SSH2: variants seen among roughly 807,000 people sequenced by gnomAD.
SSH2 encodes protein phosphatase Slingshot homolog 2.
SSH2 carries 37 observed loss-of-function variants against 135.2 expected under a neutral mutation model. The ratio of observed to expected loss-of-function variants is 0.27; its 90% CI spans 0.21 to 0.36. The LOEUF (loss-of-function observed/expected upper bound fraction) is 0.36, where lower values mean the gene tolerates loss of function less well. SSH2 is among the 10% of genes least tolerant of loss of function. The pLI is 1.00. For missense variants in SSH2, 1,408 were observed against 1,765.3 expected, an observed-to-expected ratio of 0.80 and a Z score of 3.63; for synonymous variants, 628 against 646.2, an observed-to-expected ratio of 0.97 and a Z score of 0.43.
intron 3 of SSH2, among the ~76,000 whole-genome samples, chr17:29,789,110 G>C (rs779096559): frequency 7.2e-5 from 11 of 152,210 alleles, no homozygotes; most frequent in Non-Finnish European, 1.3e-4. Flanking sequence ...TGCAACAGTG[G>C]AATTGGACAT....
rs1164998098 is a variant in SSH2, at chr17:29,628,407, G to A, written c.*2434C>T. 6.6e-6 allele frequency: 1 copy of A among 152,142 alleles called. No homozygotes were observed. Among genetic ancestry groups the A allele is most frequent in the African/African-American group, 2.4e-5 (1 of 41,424 alleles). The allele number at this position is 152,142 out of a possible 1,614,324, so 9.4% of individuals were successfully genotyped here. A position where few individuals can be genotyped will look rare whatever the true frequency, so the allele number is the denominator to read the frequency against. ...GAGTGAACATTAAACACAGTGGAGG[G>A]GAGAAGAGGGAACAGTCCAAAACTT... On this transcript the variant is annotated 3_prime_UTR_variant, in exon 16 of 16. Transcript: ENST00000540801.
intron 3 of SSH2, among the ~76,000 whole-genome samples, chr17:29,773,027 A>G (rs1167098844): frequency 7.0e-6 from 1 of 143,608 alleles, no homozygotes; most frequent in African/African-American, 2.8e-5. Flanking sequence ...CTGTCCATCC[A>G]TCCATCCATC....
intron 8 of SSH2, 39 bp downstream of exon 8, chr17:29,676,781 A>T: frequency 6.6e-7 from 1 of 1,523,012 alleles, no homozygotes; most frequent in Non-Finnish European, 9.1e-7. Context: ...CTCCAATAAC[A>T]TTAAAACACT....
chr17:29,748,518 A>G (rs1286335082), intron 3 of SSH2, among the ~76,000 whole-genome samples: 1 of 152,142 alleles, frequency 6.6e-6, no homozygotes, highest in African/African-American at 2.4e-5. Flanking sequence ...TTATCCACCA[A>G]AAAGAGAAAA....
rs1422099309 is a variant in SSH2, at chr17:29,631,132, G to C, written c.4062C>G (p.Leu1354=). 9.9e-6 allele frequency: 16 copies of C among 1,614,094 alleles called. No individual in the cohort carries two copies. The highest frequency in any genetic ancestry group is 4.0e-5 in the African/African-American group (3 of 74,914). Residue 1354 remains leucine (L), a synonymous_variant, in exon 16 of 16, where the codon CTC becomes CTG. Coordinates refer to ENST00000540801, the MANE Select transcript of SSH2 (RefSeq NM_001282129.2). ...PEPTKSFVEQ[L]TTTECIVQSK... ...TCTGCACAATACACTCTGTTGTTGT[G>C]AGTTGTTCTACAAAAGACTTGGTGG...
chr17:29,677,609 G>A (rs1369458428), intron 7 of SSH2, 64 bp downstream of exon 7: 8 of 1,335,404 alleles, frequency 6.0e-6, no homozygotes, highest in Non-Finnish European at 8.6e-6. Context: ...CTGAATGAAT[G>A]TGCAGTAAGA....
intron 3 of SSH2, among the ~76,000 whole-genome samples, chr17:29,739,837 C>T (rs2040496944): frequency 6.6e-6 from 1 of 152,174 alleles, no homozygotes; most frequent in African/African-American, 2.4e-5. Context: ...AAGCAACACT[C>T]ACACAGAAAT....
chr17:29,668,304 T>A (rs189719548), intron 9 of SSH2, among the ~76,000 whole-genome samples: 177 of 152,362 alleles, frequency 1.2e-3, no homozygotes, highest in African/African-American at 4.1e-3. Context: ...ATACAGCTAA[T>A]ACCTGAGCTG....
intron 3 of SSH2, among the ~76,000 whole-genome samples, chr17:29,751,967 A>G (rs1253216592): frequency 6.6e-6 from 1 of 152,174 alleles, no homozygotes; most frequent in Non-Finnish European, 1.5e-5. Flanking sequence ...AGCAACAAAA[A>G]CCTTATAAAA....
chr17:29,648,282 A>T lies in SSH2; in HGVS notation c.1289T>A (p.Val430Glu). Residue 430 changes from valine to glutamate, a missense_variant, in exon 14 of 16, where the codon GTG becomes GAG. Physicochemically the swap from Val to Glu is moderately radical, Grantham distance 121. This residue lies in a region of SSH2 where 106 missense variants were observed against 265.2 expected (regional missense o/e 0.40). Coordinates refer to ENST00000540801, the MANE Select transcript of SSH2 (RefSeq NM_001282129.2). Reference sequence around the variant, plus strand: ...ATATTCCTTCATTGCATAGGCAATCACGGTGGAGGCTGAGCGACTCACCCC... The same window carrying T: ...ATATTCCTTCATTGCATAGGCAATCTCGGTGGAGGCTGAGCGACTCACCCC... The part of the protein sequence containing the change: ...KMGVSRSAST[V>E]IAYAMKEYGW... 1 of 1,614,170 alleles carries T rather than the reference A, an allele frequency of 6.2e-7. No homozygotes were observed. The highest frequency in any genetic ancestry group is 8.5e-7 in the Non-Finnish European group (1 of 1,180,040).
intron 1 of SSH2, among the ~76,000 whole-genome samples, chr17:29,870,538 T>A (rs35754730): frequency 2.0e-5 from 3 of 152,192 alleles, no homozygotes; most frequent in African/African-American, 7.2e-5. Context: ...CAAAAATAAA[T>A]TTTAAAATCG....
At chr17:29,900,474 G>T (rs1031194979) in intron 1 of SSH2, among the ~76,000 whole-genome samples, 1 of 152,196 alleles carries the variant, frequency 6.6e-6, no homozygotes, top group African/African-American at 2.4e-5. Context: ...CGAAGGATAT[G>T]AACAGATACT....
At chr17:29,707,649 G>A (rs777529479) in intron 3 of SSH2, among the ~76,000 whole-genome samples, 1 of 151,456 alleles carries the variant, frequency 6.6e-6, no homozygotes, top group Non-Finnish European at 1.5e-5. Flanking sequence ...CCTCAGCCTC[G>A]CGAACAGCTG....
intron 3 of SSH2, among the ~76,000 whole-genome samples, chr17:29,745,426 C>T (rs972512117): frequency 2.0e-5 from 3 of 152,210 alleles, no homozygotes; most frequent in African/African-American, 4.8e-5. Context: ...TCTGAAAGTG[C>T]TGGGATTACA....
At chr17:29,889,463 C>T (rs912881167) in intron 1 of SSH2, among the ~76,000 whole-genome samples, 1 of 151,634 alleles carries the variant, frequency 6.6e-6, no homozygotes, top group African/African-American at 2.4e-5. Context: ...AAACAAAAAA[C>T]CAAAAAACTC....
intron 3 of SSH2, among the ~76,000 whole-genome samples, chr17:29,788,713 TA>T (rs951969962): frequency 6.6e-6 from 1 of 151,994 alleles, no homozygotes; most frequent in African/African-American, 2.4e-5. Context: ...TCTATTTCTC[TA>T]AAGAACCCTG....
At chr17:29,870,735 A>G (rs959867384) in intron 1 of SSH2, among the ~76,000 whole-genome samples, 1 of 152,170 alleles carries the variant, frequency 6.6e-6, no homozygotes, top group Non-Finnish European at 1.5e-5. Flanking sequence ...CTGTACATGA[A>G]ATCATTCAGA....
chr17:29,797,080 T>TC (rs2042170476), intron 2 of SSH2, among the ~76,000 whole-genome samples: 1 of 152,066 alleles, frequency 6.6e-6, no homozygotes, highest in African/African-American at 2.4e-5. Context: ...TGCCTTGACC[T>TC]CCCAGAGTGC....
At chr17:29,851,475 C>T (rs1309976609) in intron 1 of SSH2, among the ~76,000 whole-genome samples, 1 of 151,958 alleles carries the variant, frequency 6.6e-6, no homozygotes, top group Non-Finnish European at 1.5e-5. Flanking sequence ...ACCTGTAATC[C>T]CAGCTACCCT....
Sources: gnomAD v4.1 joint callset for allele counts (sites outside exome capture counted in the v4.1 genomes callset) on GRCh38, gnomAD v4.1.1 for gene constraint, gnomAD v4.1.1 regional missense constraint, MANE v1.5 for transcripts, NCBI Gene and HGNC (gene_info 2026-07-23, HGNC 2026-07-21) for gene names.